Variants in TPP2 observed in about 807,000 individuals in gnomAD.
The protein encoded by TPP2 is tripeptidyl peptidase 2.
In TPP2, 34 loss-of-function variants were observed where a neutral mutation model predicts 155.9. The ratio of observed to expected loss-of-function variants is 0.22; its 90% confidence interval spans 0.17 to 0.29. The LOEUF is 0.29. Among genes scored for constraint, TPP2 ranks in the 10% least tolerant of loss-of-function variants. The pLI is 1.00. For synonymous variants in TPP2, 510 were observed against 529.4 expected, an observed-to-expected ratio of 0.96 and a Z score of 0.50; for missense variants, 1,028 against 1,522.3, an observed-to-expected ratio of 0.68 and a Z score of 5.40.
At position 102,597,016 on chromosome 13, in the gene TPP2, T is replaced by C. The variant is rs1312354719; in HGVS notation, c.-23T>C. Reference sequence around the variant, plus strand: ...GCGCGCAGCCTGGCAGTTTGCCGCTTCCTCGTCCTCCATCCTGCGTCCATG... The same window carrying C: ...GCGCGCAGCCTGGCAGTTTGCCGCTCCCTCGTCCTCCATCCTGCGTCCATG... On this transcript the variant is annotated 5_prime_UTR_variant, in exon 1 of 30. Transcript: ENST00000376052. The C allele has an allele frequency of 1.9e-6, 3 of 1,608,516 alleles. No homozygotes were observed. In the South Asian group the frequency reaches 3.3e-5, roughly 18 times the overall value.
intron 3 of TPP2, among the ~76,000 whole-genome samples, chr13:102,615,195 TG>T (rs1034463617): frequency 2.0e-5 from 3 of 152,216 alleles, no homozygotes; most frequent in Admixed American, 1.3e-4. Context: ...TTACATAATA[TG>T]TTATTTTAAA....
intron 24 of TPP2, among the ~76,000 whole-genome samples, chr13:102,654,753 A>G (rs1883742244): frequency 6.6e-6 from 1 of 152,172 alleles, no homozygotes; most frequent in Non-Finnish European, 1.5e-5. Flanking sequence ...GAAAGTAAAT[A>G]TTGGAGGCCA....
chr13:102,624,327 C>T (rs534022959), intron 6 of TPP2, among the ~76,000 whole-genome samples: 2 of 152,248 alleles, frequency 1.3e-5, no homozygotes, highest in South Asian at 2.1e-4. Flanking sequence ...AACTCTTTAA[C>T]GTCCCCCTCC....
At chr13:102,623,195 C>G (rs1325354766) in intron 6 of TPP2, among the ~76,000 whole-genome samples, 155 bp downstream of exon 6, 1 of 152,160 alleles carries the variant, frequency 6.6e-6, no homozygotes, top group East Asian at 1.9e-4. Context: ...GATTTACCTG[C>G]AAGATGTTGT....
chr13:102,605,302 G>C (rs559506683), intron 2 of TPP2, among the ~76,000 whole-genome samples: 5 of 152,212 alleles, frequency 3.3e-5, no homozygotes, highest in African/African-American at 9.6e-5. Flanking sequence ...CACCTTCCCT[G>C]GGGGAGTGAG....
At chr13:102,626,978 A>G (rs1475390784) in intron 6 of TPP2, 34 bp from the exon 7 acceptor site, 1 of 1,481,896 alleles carries the variant, frequency 6.7e-7, no homozygotes, top group East Asian at 2.5e-5. Flanking sequence ...GTCCATGAGA[A>G]TGTTTTGTCA....
At chr13:102,666,886 A>C (rs1034894004) in intron 27 of TPP2, among the ~76,000 whole-genome samples, 25 of 150,988 alleles carry the variant, frequency 1.7e-4, no homozygotes, top group Non-Finnish European at 2.8e-4. Context: ...AACTTTGTAA[A>C]AACGCTAAGA....
rs1230846300 is a variant in TPP2 at position 102,666,585 on chromosome 13, T to A, written c.3371+1660T>A. ...CCCATATACTTTCTAGCTTTTGTTA[T>A]TTTTTACATTTTGTGAAAATAATAT... is the stretch of plus-strand genomic sequence containing the variant. On this transcript the variant is annotated intron_variant, in intron 27 of 29. Coordinates refer to ENST00000376052, the MANE Select transcript of TPP2 (RefSeq NM_001330588.2). Among the ~76,000 whole-genome samples the A allele has an allele frequency of 6.6e-5, 10 of 152,092 alleles. No individual in the cohort carries two copies. The East Asian group carries it at 1.9e-3, about 29-fold the overall frequency.
chr13:102,614,820 T>C (rs1880598679), intron 3 of TPP2, among the ~76,000 whole-genome samples: 1 of 152,254 alleles, frequency 6.6e-6, no homozygotes, highest in Admixed American at 6.5e-5. Flanking sequence ...CTAACCATTA[T>C]GGTAGTCACT....
intron 28 of TPP2, 117 bp downstream of exon 28, chr13:102,674,607 TCTGAATATGA>T: frequency 1.0e-6 from 1 of 974,682 alleles, no homozygotes; most frequent in Non-Finnish European, 1.5e-6. Flanking sequence ...TACGCTGGGC[TCTGAATATGA>T]CATGTTTAGC....
chr13:102,671,443 A>G (rs1884977263), intron 27 of TPP2, among the ~76,000 whole-genome samples: 1 of 152,206 alleles, frequency 6.6e-6, no homozygotes, highest in Admixed American at 6.5e-5. Context: ...TTCTACCTAA[A>G]TAAGATTTTG....
intron 27 of TPP2, among the ~76,000 whole-genome samples, chr13:102,669,641 C>T (rs904270567): frequency 1.3e-5 from 2 of 152,034 alleles, no homozygotes; most frequent in Admixed American, 6.6e-5. Flanking sequence ...AGGGGACATG[C>T]GTGTGAGCTG....
rs1881834685 is a variant in TPP2 at position 102,628,936 on chromosome 13, T to C, written c.1017-546T>C. Among the ~76,000 whole-genome samples, 5 of 152,214 alleles carry C rather than the reference T, an allele frequency of 3.3e-5. No homozygotes were observed. In the South Asian group the frequency reaches 8.3e-4, roughly 25 times the overall value. ...GGTCCTGTGCATGGCTCTGTACCTT[T>C]TTAATGTTAACTTCATTTTCTTCTT... On this transcript the variant is annotated intron_variant, in intron 8 of 29. Coordinates refer to ENST00000376052, the MANE Select transcript of TPP2 (RefSeq NM_001330588.2).
chr13:102,633,913 C>T, intron 10 of TPP2, 37 bp from the exon 11 acceptor site: 2 of 1,611,886 alleles, frequency 1.2e-6, no homozygotes, highest in African/African-American at 1.3e-5. Context: ...GTTTAGCTTT[C>T]ACCATCCTAA....
In TPP2 at chr13:102,597,615, T is replaced by A. The variant is rs755823756; in HGVS notation, c.165+412T>A. ...GCCGCCTTCCTCTGCCTACCCCTCG[T>A]GCCTCGGACACCGGTCCCAGCCTGA... On this transcript the variant is annotated intron_variant, in intron 1 of 29. Coordinates refer to ENST00000376052, the MANE Select transcript of TPP2 (RefSeq NM_001330588.2). Among the ~76,000 whole-genome samples the A allele has an allele frequency of 6.6e-5, 10 of 152,222 alleles. No homozygotes were observed. In the East Asian group the frequency reaches 9.6e-4, roughly 15 times the overall value.
At chr13:102,609,788 C>T (rs1431270248) in intron 2 of TPP2, among the ~76,000 whole-genome samples, 1 of 152,096 alleles carries the variant, frequency 6.6e-6, no homozygotes, top group Non-Finnish European at 1.5e-5. Flanking sequence ...AGTCACCTCC[C>T]ACCACATCCC....
intron 6 of TPP2, among the ~76,000 whole-genome samples, chr13:102,623,979 A>G (rs1338495031): frequency 6.6e-6 from 1 of 152,186 alleles, no homozygotes; most frequent in Non-Finnish European, 1.5e-5. Context: ...TAATATTTAT[A>G]TTTTTGATCC....
At chr13:102,643,405 A>G (rs1414880978) in intron 17 of TPP2, 29 bp downstream of exon 17, 2 of 1,559,632 alleles carry the variant, frequency 1.3e-6, no homozygotes, top group African/African-American at 1.4e-5. Flanking sequence ...TATAATCCTA[A>G]CACAATTTAT....
chr13:102,666,152 C>T (rs1595214191), intron 27 of TPP2, among the ~76,000 whole-genome samples: 1 of 152,164 alleles, frequency 6.6e-6, no homozygotes, highest in South Asian at 2.1e-4. Context: ...ACATGGAAGG[C>T]AGGGGCCTTT....
Sources: gnomAD v4.1 joint callset for allele counts (sites outside exome capture counted in the v4.1 genomes callset) on GRCh38, gnomAD v4.1.1 for gene constraint, MANE v1.5 for transcripts, NCBI Gene and HGNC (gene_info 2026-07-23, HGNC 2026-07-21) for gene names.